INPP4B: variants seen among roughly 807,000 people sequenced by gnomAD.
INPP4B encodes inositol polyphosphate 4-phosphatase type II.
In INPP4B, 55 loss-of-function variants were observed where a neutral mutation model predicts 122.5. The observed-to-expected ratio is 0.45, with a 90% CI of 0.36 to 0.56. The LOEUF (loss-of-function observed/expected upper bound fraction) is 0.56. Ranked by LOEUF, INPP4B falls within the 20% of genes least tolerant of loss-of-function variation. The pLI is 0.00. For missense variants in INPP4B, 1,000 were observed against 1,097.7 expected, an observed-to-expected ratio of 0.91 and a Z score of 1.26; for synonymous variants, 403 against 388.7, an observed-to-expected ratio of 1.04 and a Z score of -0.43.
chr4:142,660,122 C>T (rs1391232118), intron 2 of INPP4B, among the ~76,000 whole-genome samples: 2 of 152,174 alleles, frequency 1.3e-5, no homozygotes, highest in Admixed American at 1.3e-4. Flanking sequence ...TCCAAAGCTA[C>T]TGACATTAGG....
intron 9 of INPP4B, among the ~76,000 whole-genome samples, chr4:142,290,706 T>C (rs1756075103): frequency 6.6e-6 from 1 of 152,206 alleles, no homozygotes; most frequent in South Asian, 2.1e-4. Flanking sequence ...CCTTTATGTT[T>C]TTCCTCTAAT....
chr4:142,781,644 T>C (rs1445088881), intron 1 of INPP4B, among the ~76,000 whole-genome samples: 1 of 152,138 alleles, frequency 6.6e-6, no homozygotes, highest in African/African-American at 2.4e-5. Context: ...AAACCAAAGA[T>C]ATAAAATTAG....
chr4:142,234,986 T>C (rs1420393640), intron 12 of INPP4B, among the ~76,000 whole-genome samples: 1 of 152,214 alleles, frequency 6.6e-6, no homozygotes, highest in Non-Finnish European at 1.5e-5. Flanking sequence ...GTAATGACAG[T>C]GGCTATGCCT....
intron 2 of INPP4B, among the ~76,000 whole-genome samples, chr4:142,643,623 G>T (rs1751040495): frequency 6.6e-6 from 1 of 152,130 alleles, no homozygotes; most frequent in Non-Finnish European, 1.5e-5. Flanking sequence ...AGATAACTCT[G>T]TAACAGCTCC....
At chr4:142,470,188 A>G (rs1818560932) in intron 2 of INPP4B, among the ~76,000 whole-genome samples, 2 of 152,104 alleles carry the variant, frequency 1.3e-5, no homozygotes, top group South Asian at 4.1e-4. Context: ...GTTTAAAAAA[A>G]AATAGGAGCA....
intron 1 of INPP4B, among the ~76,000 whole-genome samples, chr4:142,802,598 T>C (rs998107628): frequency 2.0e-5 from 3 of 152,136 alleles, no homozygotes; most frequent in African/African-American, 7.2e-5. Context: ...GAATCCTATT[T>C]TTTGAAGTTA....
In INPP4B at chr4:142,417,018, C is replaced by G. The variant is rs114520248; in HGVS notation, c.137-11694G>C. On this transcript the variant is annotated intron_variant, in intron 5 of 25. Coordinates refer to ENST00000262992, the MANE Select transcript of INPP4B (RefSeq NM_001101669.3). ...CCAATTCAACAGTTTGTGAAAGCAACCGAGATCAGACAACTTCGTGGGAAA... is the reference window on the plus strand; with the variant it reads ...CCAATTCAACAGTTTGTGAAAGCAAGCGAGATCAGACAACTTCGTGGGAAA... Among the ~76,000 whole-genome samples, 1,376 of 152,154 alleles carry G rather than the reference C, an allele frequency of 9.0e-3. 22 individuals carry two copies. Among genetic ancestry groups the G allele is most frequent in the African/African-American group, 0.031 (1,288 of 41,518 alleles).
At chr4:142,480,569 A>T (rs1297407649) in intron 2 of INPP4B, among the ~76,000 whole-genome samples, 3 of 152,210 alleles carry the variant, frequency 2.0e-5, no homozygotes, top group Non-Finnish European at 4.4e-5. Flanking sequence ...TCTGCTGGCC[A>T]TCTGGCCATC....
intron 16 of INPP4B, among the ~76,000 whole-genome samples, chr4:142,162,773 G>A (rs1820742769): frequency 6.6e-6 from 1 of 151,888 alleles, no homozygotes; most frequent in Non-Finnish European, 1.5e-5. Flanking sequence ...GGAGAGTCCT[G>A]CAGTTTTAAA....
intron 2 of INPP4B, among the ~76,000 whole-genome samples, chr4:142,586,209 G>A (rs543392399): frequency 1.3e-5 from 2 of 152,152 alleles, no homozygotes; most frequent in South Asian, 4.2e-4. Flanking sequence ...CTACTCAGGA[G>A]GCTAATGCAG....
At chr4:142,729,981 C>A (rs940688389) in intron 1 of INPP4B, among the ~76,000 whole-genome samples, 169 of 152,236 alleles carry the variant, frequency 1.1e-3, no homozygotes, top group Admixed American at 2.4e-3. Context: ...TCCACTAAAC[C>A]TCAAAACTTC....
intron 25 of INPP4B, among the ~76,000 whole-genome samples, chr4:142,074,919 C>T (rs1769720010): frequency 6.6e-6 from 1 of 151,986 alleles, no homozygotes; most frequent in African/African-American, 2.4e-5. Context: ...TTGTATGCAT[C>T]CTTAAGACAC....
At chr4:142,457,886 A>G (rs1815820058) in intron 3 of INPP4B, among the ~76,000 whole-genome samples, 1 of 152,158 alleles carries the variant, frequency 6.6e-6, no homozygotes, top group South Asian at 2.1e-4. Flanking sequence ...GTGAGCTACC[A>G]TACCTGCCCC....
chr4:142,352,452 T>G (rs978001030), intron 7 of INPP4B, among the ~76,000 whole-genome samples: 1 of 151,770 alleles, frequency 6.6e-6, no homozygotes, highest in Non-Finnish European at 1.5e-5. Flanking sequence ...ATATTCTGTA[T>G]GATGTGAAAA....
chr4:142,811,198 C>T (rs757574941), intron 1 of INPP4B, among the ~76,000 whole-genome samples: 9 of 152,172 alleles, frequency 5.9e-5, no homozygotes, highest in East Asian at 1.9e-4. Context: ...CATATATATG[C>T]TCAGCACACC....
At chr4:142,281,858 C>T (rs562710661) in intron 9 of INPP4B, among the ~76,000 whole-genome samples, 1 of 152,052 alleles carries the variant, frequency 6.6e-6, no homozygotes, top group East Asian at 1.9e-4. Context: ...CTCATTTACT[C>T]TGACAACACA....
At chr4:142,279,062 A>T (rs1749973952) in intron 9 of INPP4B, among the ~76,000 whole-genome samples, 1 of 151,986 alleles carries the variant, frequency 6.6e-6, no homozygotes, top group African/African-American at 2.4e-5. Context: ...TAGATCCAAA[A>T]TAAATAAAAT....
chr4:142,796,285 A>T (rs1051457140), intron 1 of INPP4B, among the ~76,000 whole-genome samples: 1 of 152,008 alleles, frequency 6.6e-6, no homozygotes, highest in Admixed American at 6.6e-5. Flanking sequence ...TTTGCCTCTC[A>T]TTTGTTCAAA....
intron 3 of INPP4B, among the ~76,000 whole-genome samples, chr4:142,452,093 C>T (rs1035908580): frequency 1.3e-5 from 2 of 152,130 alleles, no homozygotes; most frequent in Non-Finnish European, 2.9e-5. Flanking sequence ...GTGATTTTCC[C>T]CACCCTGTGT....
Sources: gnomAD v4.1 joint callset for allele counts (sites outside exome capture counted in the v4.1 genomes callset) on GRCh38, gnomAD v4.1.1 for gene constraint, MANE v1.5 for transcripts, NCBI Gene and HGNC (gene_info 2026-07-23, HGNC 2026-07-21) for gene names.